The following FHIT variants were observed in gnomAD, a reference collection of about 807,000 sequenced individuals.
FHIT encodes the protein fragile histidine triad diadenosine triphosphatase, also known as bis(5'-adenosyl)-triphosphatase.
Under a neutral mutation model 17.9 loss-of-function variants are expected in FHIT, and 19 were observed. The observed-to-expected ratio is 1.06, with a 90% confidence interval of 0.74 to 1.56. The LOEUF is 1.56. Among genes scored for constraint, FHIT ranks in the 40% most tolerant of loss-of-function variants. The pLI is 0.00. For synonymous variants in FHIT, 81 were observed against 69.7 expected, an observed-to-expected ratio of 1.16 and a Z score of -0.81; for missense variants, 248 against 189.2, an observed-to-expected ratio of 1.31 and a Z score of -1.82.
intron 3 of FHIT, among the ~76,000 whole-genome samples, chr3:60,979,174 C>G (rs1710384368): frequency 1.3e-5 from 2 of 152,196 alleles, no homozygotes; most frequent in Admixed American, 1.3e-4. Context: ...ACAGATTTCC[C>G]TTCTTCTCAA....
intron 4 of FHIT, among the ~76,000 whole-genome samples, chr3:60,757,791 C>T (rs1699498918): frequency 6.6e-6 from 1 of 152,162 alleles, no homozygotes; most frequent in Non-Finnish European, 1.5e-5. Flanking sequence ...AAGGGAACAA[C>T]ATGAACAGAT....
At chr3:61,114,563 G>A (rs1226219817) in intron 2 of FHIT, among the ~76,000 whole-genome samples, 2 of 151,490 alleles carry the variant, frequency 1.3e-5, no homozygotes, top group Non-Finnish European at 2.9e-5. Flanking sequence ...GGCACAGAGG[G>A]GAAAAAAAAA....
intron 8 of FHIT, among the ~76,000 whole-genome samples, chr3:59,826,902 T>C (rs1337077075): frequency 2.0e-5 from 3 of 152,258 alleles, no homozygotes; most frequent in Non-Finnish European, 4.4e-5. Flanking sequence ...TTAGTCCACC[T>C]TATGGCATCC....
At chr3:60,929,283 T>G (rs1403259231) in intron 3 of FHIT, among the ~76,000 whole-genome samples, 3 of 152,212 alleles carry the variant, frequency 2.0e-5, no homozygotes, top group East Asian at 1.9e-4. Flanking sequence ...CTGGAAGCAC[T>G]CCCTTTGAAA....
chr3:60,086,482 G>A (rs1393846797), intron 5 of FHIT, among the ~76,000 whole-genome samples: 1 of 152,132 alleles, frequency 6.6e-6, no homozygotes, highest in Admixed American at 6.5e-5. Flanking sequence ...AAAGTCCGAA[G>A]TCTCATCTGT....
chr3:61,250,892 G>A (rs1322283192), intron 1 of FHIT, among the ~76,000 whole-genome samples: 1 of 152,166 alleles, frequency 6.6e-6, no homozygotes, highest in Non-Finnish European at 1.5e-5. Context: ...CAACCCCTTA[G>A]GGGAATCCAG....
At chr3:60,622,077 C>G (rs991932056) in intron 4 of FHIT, among the ~76,000 whole-genome samples, 11 of 152,060 alleles carry the variant, frequency 7.2e-5, no homozygotes, top group African/African-American at 2.7e-4. Context: ...AGCTGGGAGT[C>G]AGGGAGCTTA....
chr3:60,416,175 G>T (rs985496950), intron 5 of FHIT, among the ~76,000 whole-genome samples: 3 of 151,772 alleles, frequency 2.0e-5, no homozygotes, highest in Admixed American at 1.3e-4. Flanking sequence ...AAATAAATCA[G>T]CAAAATATCA....
intron 5 of FHIT, among the ~76,000 whole-genome samples, chr3:60,128,488 T>C (rs1290896258): frequency 1.3e-5 from 2 of 152,214 alleles, no homozygotes; most frequent in Non-Finnish European, 1.5e-5. Flanking sequence ...CTTTCCTTTA[T>C]AAATTGTCCA....
chr3:60,766,404 T>C (rs561976935), intron 4 of FHIT, among the ~76,000 whole-genome samples: 51 of 152,270 alleles, frequency 3.3e-4, no homozygotes, highest in Non-Finnish European at 6.3e-4. Flanking sequence ...TCTCCACTCT[T>C]GCTTATGTAC....
intron 5 of FHIT, among the ~76,000 whole-genome samples, chr3:60,216,242 T>C (rs1703692043): frequency 6.6e-6 from 1 of 152,164 alleles, no homozygotes; most frequent in South Asian, 2.1e-4. Flanking sequence ...CTGTGACAAT[T>C]TGAAGAAGTT....
At chr3:61,192,466 C>T (rs906055792) in intron 2 of FHIT, among the ~76,000 whole-genome samples, 3 of 152,308 alleles carry the variant, frequency 2.0e-5, no homozygotes, top group African/African-American at 7.2e-5. Context: ...AGTTAGATTC[C>T]AGACATTTGG....
rs1407981214 is a variant in FHIT at position 60,008,512 on chromosome 3, C to T, written c.279+2859G>A. On this transcript the variant is annotated intron_variant, in intron 7 of 9. Coordinates refer to ENST00000492590, the MANE Select transcript of FHIT (RefSeq NM_002012.4). The stretch of plus-strand genomic sequence containing the variant: ...CTACAGTGGTATCATGTTCAAGAGG[C>T]TAACTCAGTGGTGCACCTTCATTAA... Among the ~76,000 whole-genome samples the T allele has an allele frequency of 5.3e-5, 8 of 152,132 alleles. No individual in the cohort carries two copies. In the East Asian group the frequency reaches 1.3e-3, roughly 26 times the overall value.
At chr3:60,103,370 T>C (rs190507815) in intron 5 of FHIT, among the ~76,000 whole-genome samples, 63 of 152,288 alleles carry the variant, frequency 4.1e-4, no homozygotes, top group African/African-American at 1.5e-3. Context: ...TACACATACA[T>C]GGGAATCTTC....
intron 4 of FHIT, among the ~76,000 whole-genome samples, chr3:60,759,750 C>T (rs1389195783): frequency 6.6e-6 from 1 of 152,144 alleles, no homozygotes; most frequent in Non-Finnish European, 1.5e-5. Context: ...GATTTGGCAA[C>T]CAAGGGGCCA....
At chr3:60,494,441 C>T (rs765288404) in intron 5 of FHIT, among the ~76,000 whole-genome samples, 1 of 152,054 alleles carries the variant, frequency 6.6e-6, no homozygotes, top group Non-Finnish European at 1.5e-5. Flanking sequence ...GTATCCATCC[C>T]CTCAAGCATT....
chr3:60,946,048 G>A (rs1708626347), intron 3 of FHIT, among the ~76,000 whole-genome samples: 1 of 152,130 alleles, frequency 6.6e-6, no homozygotes, highest in Admixed American at 6.5e-5. Flanking sequence ...AGAAAGATGA[G>A]CAAAGGAGTT....
At chr3:59,907,933 T>C (rs755029558) in intron 8 of FHIT, among the ~76,000 whole-genome samples, 1 of 152,220 alleles carries the variant, frequency 6.6e-6, no homozygotes, top group Non-Finnish European at 1.5e-5. Context: ...GATGGCCAGT[T>C]GAATCTTTCT....
chr3:59,839,703 T>A (rs1701462462), intron 8 of FHIT, among the ~76,000 whole-genome samples: 1 of 152,062 alleles, frequency 6.6e-6, no homozygotes, highest in African/African-American at 2.4e-5. Context: ...TGCCATTATC[T>A]CTCTCTACCA....
Sources: allele counts gnomAD v4.1 joint callset (sites outside exome capture counted in the v4.1 genomes callset), GRCh38; gene constraint gnomAD v4.1.1; transcripts MANE v1.5; gene names NCBI Gene and HGNC (gene_info 2026-07-23, HGNC 2026-07-21).